TMEM131: variants seen among roughly 807,000 people sequenced by gnomAD.
The protein encoded by TMEM131 is transmembrane protein 131.
A neutral mutation model predicts 211.6 loss-of-function variants in TMEM131; 66 were observed. The ratio of observed to expected loss-of-function variants is 0.31; its 90% CI spans 0.26 to 0.38. The LOEUF is 0.38. Among genes scored for constraint, TMEM131 ranks in the 10% least tolerant of loss-of-function variants. TMEM131 has a pLI of 1.00. For synonymous variants in TMEM131, 844 were observed against 841.3 expected (o/e 1.00, Z -0.06); for missense variants, 2,036 against 2,299.3 (o/e 0.89, Z 2.34).
Position 97,924,636 on chromosome 2 carries a change from G to C in TMEM131, c.249+2790C>G, listed in dbSNP as rs994927081. Among the ~76,000 whole-genome samples the C allele has an allele frequency of 2.6e-5, 4 of 152,276 alleles. No individual in the cohort carries two copies. The East Asian group carries it at 7.7e-4, about 29-fold the overall frequency. ...TTGCTGGTGAGGCCCAGGTGAGTTCGTTCCTGTAATGCCCTTAGGAAAGTA... is the reference window on the plus strand; with the variant it reads ...TTGCTGGTGAGGCCCAGGTGAGTTCCTTCCTGTAATGCCCTTAGGAAAGTA... On this transcript the variant is annotated intron_variant, in intron 2 of 40. Transcript: ENST00000186436.
chr2:97,921,182 A>G (rs1676726399), intron 2 of TMEM131, among the ~76,000 whole-genome samples: 1 of 152,230 alleles, frequency 6.6e-6, no homozygotes, highest in South Asian at 2.1e-4. Flanking sequence ...AAGAAATCCA[A>G]TACAGTGCCC....
chr2:97,785,332 C>T (rs1168260869), intron 31 of TMEM131, among the ~76,000 whole-genome samples: 2 of 152,120 alleles, frequency 1.3e-5, no homozygotes, highest in African/African-American at 4.8e-5. Flanking sequence ...AAAACCCAAA[C>T]AATCCAATTA....
intron 4 of TMEM131, among the ~76,000 whole-genome samples, chr2:97,884,287 A>C (rs1194820208): frequency 6.6e-6 from 1 of 152,194 alleles, no homozygotes; most frequent in Non-Finnish European, 1.5e-5. Context: ...CAGATAAGAT[A>C]GTTGATAAAA....
At chr2:97,891,240 T>G (rs1437059062) in intron 3 of TMEM131, among the ~76,000 whole-genome samples, 1 of 152,140 alleles carries the variant, frequency 6.6e-6, no homozygotes, top group Non-Finnish European at 1.5e-5. Context: ...TCATTGCAGT[T>G]TTTTCCCTGA....
chr2:97,832,456 C>T (rs1020155794), intron 11 of TMEM131, among the ~76,000 whole-genome samples: 3 of 152,126 alleles, frequency 2.0e-5, no homozygotes, highest in Admixed American at 6.5e-5. Context: ...AAGGTCACTG[C>T]GCATCAGAAT....
At chr2:97,802,313 G>C (rs921394016) in intron 24 of TMEM131, 115 bp downstream of exon 24, 8 of 829,054 alleles carry the variant, frequency 9.6e-6, no homozygotes, top group Non-Finnish European at 1.5e-5. Flanking sequence ...TATAGATCCA[G>C]AACTTCTCGT....
chr2:97,859,377 G>T lies in TMEM131; in HGVS notation c.410C>A (p.Ser137Tyr). ...TGATACTAAAGTAATCGTTTCTTCAGAACTAGGATTATGTAAGTAGACTTT... is the reference window on the plus strand; with the variant it reads ...TGATACTAAAGTAATCGTTTCTTCATAACTAGGATTATGTAAGTAGACTTT... ...MEKVYLHNPS[S>Y]EETITLVSIS... is the part of the protein sequence containing the mutation. The change falls in exon 5 of 41, where the codon TCT becomes TAT. Residue 137 changes from serine (S) to tyrosine (Y), a missense_variant. Physicochemically the swap from Ser to Tyr is moderately radical, Grantham distance 144 (BLOSUM62 -2). This residue lies in a region of TMEM131 where 277 missense variants were observed against 378.0 expected (regional missense o/e 0.73). Transcript: ENST00000186436. The T allele has an allele frequency of 6.3e-7, 1 of 1,598,624 alleles. No individual in the cohort carries two copies. Among genetic ancestry groups the T allele is most frequent in the South Asian group, 1.1e-5 (1 of 87,040 alleles).
chr2:97,765,651 T>TG (rs1429618431), intron 35 of TMEM131, among the ~76,000 whole-genome samples: 1 of 152,240 alleles, frequency 6.6e-6, no homozygotes, highest in African/African-American at 2.4e-5. Flanking sequence ...AGAAAAATAA[T>TG]GAAACCTTTG....
intron 4 of TMEM131, among the ~76,000 whole-genome samples, chr2:97,882,116 CAT>C (rs1179489272): frequency 6.6e-6 from 1 of 152,172 alleles, no homozygotes; most frequent in Non-Finnish European, 1.5e-5. Context: ...TTCTTTCAAC[CAT>C]ATCTCTCTTC....
At chr2:97,970,939 G>A (rs568829272) in intron 1 of TMEM131, among the ~76,000 whole-genome samples, 23 of 152,256 alleles carry the variant, frequency 1.5e-4, no homozygotes, top group African/African-American at 4.6e-4. Context: ...AATAAAAGCC[G>A]GGTTTGTTTT....
At chr2:97,865,156 G>A (rs1674222264) in intron 4 of TMEM131, among the ~76,000 whole-genome samples, 1 of 152,242 alleles carries the variant, frequency 6.6e-6, no homozygotes, top group Non-Finnish European at 1.5e-5. Flanking sequence ...AAAGACCAGG[G>A]CTTGGCCTTC....
chr2:97,928,210 T>C (rs1677069456), intron 1 of TMEM131, among the ~76,000 whole-genome samples: 1 of 152,108 alleles, frequency 6.6e-6, no homozygotes, highest in African/African-American at 2.4e-5. Context: ...ATCTATACAA[T>C]GGAATATTAC....
chr2:97,917,297 C>T (rs1676548223), intron 2 of TMEM131, among the ~76,000 whole-genome samples: 1 of 152,104 alleles, frequency 6.6e-6, no homozygotes, highest in Non-Finnish European at 1.5e-5. Flanking sequence ...GGTCCTTTAC[C>T]GAAAAAGTTT....
chr2:97,771,166 A>C (rs1272188545), intron 33 of TMEM131, among the ~76,000 whole-genome samples: 3 of 152,160 alleles, frequency 2.0e-5, no homozygotes, highest in Non-Finnish European at 2.9e-5. Context: ...TGCTCTCAAC[A>C]AATTGTGGGA....
intron 5 of TMEM131, among the ~76,000 whole-genome samples, chr2:97,851,438 G>GT (rs1673624326): frequency 6.6e-6 from 1 of 152,176 alleles, no homozygotes; most frequent in South Asian, 2.1e-4. Flanking sequence ...CCTGTTGGGT[G>GT]TATCTTCAAA....
chr2:97,879,506 T>A (rs1019318678), intron 4 of TMEM131, among the ~76,000 whole-genome samples: 81 of 152,242 alleles, frequency 5.3e-4, no homozygotes, highest in Non-Finnish European at 1.3e-4. Context: ...ATTAATTTTC[T>A]CACAATGTCA....
At chr2:97,865,582 G>A (rs1674238787) in intron 4 of TMEM131, among the ~76,000 whole-genome samples, 1 of 152,090 alleles carries the variant, frequency 6.6e-6, no homozygotes, top group Admixed American at 6.5e-5. Flanking sequence ...AACCAACCCT[G>A]CATTCTTGAG....
chr2:97,962,221 C>T (rs892464110), intron 1 of TMEM131, among the ~76,000 whole-genome samples: 5 of 152,046 alleles, frequency 3.3e-5, no homozygotes, highest in Non-Finnish European at 5.9e-5. Flanking sequence ...AATGAAAAGG[C>T]TGCCTGGCGC....
intron 5 of TMEM131, among the ~76,000 whole-genome samples, chr2:97,852,273 T>C (rs1673655888): frequency 6.6e-6 from 1 of 151,854 alleles, no homozygotes; most frequent in Non-Finnish European, 1.5e-5. Flanking sequence ...GCGATTCTTG[T>C]GCCTCAGCCT....
Sources: allele counts gnomAD v4.1 joint callset (sites outside exome capture counted in the v4.1 genomes callset), GRCh38; gene constraint gnomAD v4.1.1; regional missense constraint gnomAD v4.1.1; transcripts MANE v1.5; gene names NCBI Gene and HGNC (gene_info 2026-07-23, HGNC 2026-07-21).